Variants in LRRC7 observed in about 807,000 individuals in gnomAD.
LRRC7 encodes leucine rich repeat containing 7.
Under a neutral mutation model 175.7 loss-of-function variants are expected in LRRC7, and 23 were observed. The observed-to-expected ratio is 0.13, with a 90% CI of 0.09 to 0.19. The LOEUF (loss-of-function observed/expected upper bound fraction) is 0.19, where lower values mean the gene tolerates loss of function less well. Among genes scored for constraint, LRRC7 ranks in the 10% least tolerant of loss-of-function variants. LRRC7 has a pLI of 1.00. For synonymous variants in LRRC7, 685 were observed against 680.9 expected, an observed-to-expected ratio of 1.01 and a Z score of -0.09; for missense variants, 1,354 against 1,904.7, an observed-to-expected ratio of 0.71 and a Z score of 5.38.
Position 70,127,820 on chromosome 1 carries a change from T to C in LRRC7, c.*5933T>C, listed in dbSNP as rs187662121. On this transcript the variant is annotated 3_prime_UTR_variant, in exon 27 of 27. Transcript: ENST00000651989. ...ATTTATGTAAACATTCCATGACTCT[T>C]ATTAGTCTACGGTTGGAACCACTAT... Among the ~76,000 whole-genome samples, 28 of 152,320 alleles carry C rather than the reference T, an allele frequency of 1.8e-4. No homozygotes were observed. The highest frequency in any genetic ancestry group is 1.8e-3 in the Admixed American group (28 of 15,300).
At chr1:70,102,812 G>T (rs569681068) in intron 25 of LRRC7, among the ~76,000 whole-genome samples, 1 of 152,144 alleles carries the variant, frequency 6.6e-6, no homozygotes, top group Non-Finnish European at 1.5e-5. Flanking sequence ...ATGAGGAAAA[G>T]TCCATAGAAG....
intron 3 of LRRC7, among the ~76,000 whole-genome samples, chr1:69,773,891 C>T (rs1314146373): frequency 3.3e-5 from 5 of 152,136 alleles, no homozygotes; most frequent in Admixed American, 2.6e-4. Flanking sequence ...TGGTGGATTG[C>T]ACTTGTTATC....
At chr1:69,670,818 A>T (rs1243516092) in intron 1 of LRRC7, among the ~76,000 whole-genome samples, 2 of 152,214 alleles carry the variant, frequency 1.3e-5, no homozygotes, top group East Asian at 3.9e-4. Flanking sequence ...GATTAGTGAT[A>T]GGCTACCATC....
intron 4 of LRRC7, among the ~76,000 whole-genome samples, chr1:69,802,162 A>G (rs1474677205): frequency 6.6e-6 from 1 of 151,026 alleles, no homozygotes. Flanking sequence ...ATTGGAGAAT[A>G]CTCCATGTGC....
intron 2 of LRRC7, among the ~76,000 whole-genome samples, chr1:69,711,359 A>G (rs1056017602): frequency 1.3e-5 from 2 of 152,192 alleles, no homozygotes; most frequent in African/African-American, 4.8e-5. Flanking sequence ...GCACTAAATA[A>G]TCAATGACTG....
At chr1:70,000,813 C>T (rs1655451011) in intron 11 of LRRC7, among the ~76,000 whole-genome samples, 1 of 152,130 alleles carries the variant, frequency 6.6e-6, no homozygotes, top group South Asian at 2.1e-4. Flanking sequence ...ACCTGAAGGG[C>T]CTGGGTTCTG....
chr1:70,033,838 T>C (rs1271685777), intron 18 of LRRC7, among the ~76,000 whole-genome samples: 2 of 93,728 alleles, frequency 2.1e-5, no homozygotes, highest in Non-Finnish European at 4.7e-5. Flanking sequence ...ATTGCTTTTT[T>C]GTGTTTCTAT....
intron 8 of LRRC7, among the ~76,000 whole-genome samples, chr1:69,936,110 T>C (rs1420396372): frequency 6.6e-6 from 1 of 152,188 alleles, no homozygotes; most frequent in Non-Finnish European, 1.5e-5. Context: ...TTTCTGTACA[T>C]TCATGAGTTA....
chr1:69,931,312 T>C (rs1388520854), intron 7 of LRRC7, among the ~76,000 whole-genome samples, 195 bp from the exon 8 acceptor site: 2 of 152,216 alleles, frequency 1.3e-5, no homozygotes, highest in East Asian at 3.9e-4. Flanking sequence ...TTGGCATTTG[T>C]GAACAGATGC....
In LRRC7 at chr1:69,891,851, G is replaced by T. The variant is rs993634071; in HGVS notation, c.648-39656G>T. Among the ~76,000 whole-genome samples the T allele has an allele frequency of 4.6e-5, 7 of 152,060 alleles. No homozygotes were observed. In the South Asian group the frequency reaches 6.2e-4, roughly 14 times the overall value. ...AGTGAGCACATGCTGTTGGAAAAAT[G>T]GTGCCAATAGACTTGCTCAACACAG... is the stretch of plus-strand genomic sequence containing the variant. On this transcript the variant is annotated intron_variant, in intron 7 of 26. Coordinates refer to ENST00000651989, the MANE Select transcript of LRRC7 (RefSeq NM_001370785.2).
intron 7 of LRRC7, among the ~76,000 whole-genome samples, chr1:69,852,550 A>G (rs1222074388): frequency 6.6e-6 from 1 of 152,152 alleles, no homozygotes; most frequent in Non-Finnish European, 1.5e-5. Flanking sequence ...CATTACATCC[A>G]TCACTATCCT....
intron 2 of LRRC7, among the ~76,000 whole-genome samples, chr1:69,714,486 AG>A (rs1423293245): frequency 6.6e-6 from 1 of 152,190 alleles, no homozygotes; most frequent in Non-Finnish European, 1.5e-5. Context: ...GGCAATTTAG[AG>A]GACAGTGAAA....
chr1:69,848,499 C>T (rs1682616097), intron 7 of LRRC7, among the ~76,000 whole-genome samples: 1 of 152,034 alleles, frequency 6.6e-6, no homozygotes, highest in Admixed American at 6.6e-5. Flanking sequence ...GAAAGATTTC[C>T]CTACCACCTA....
intron 23 of LRRC7, among the ~76,000 whole-genome samples, chr1:70,075,466 G>A (rs1662705219): frequency 6.6e-6 from 1 of 152,154 alleles, no homozygotes; most frequent in Non-Finnish European, 1.5e-5. Context: ...CTCTCTGAAA[G>A]CTCATGACTA....
At chr1:69,922,714 A>ACATGG (rs1646928603) in intron 7 of LRRC7, among the ~76,000 whole-genome samples, 1 of 152,128 alleles carries the variant, frequency 6.6e-6, no homozygotes, top group Non-Finnish European at 1.5e-5. Flanking sequence ...TTGTCAAATT[A>ACATGG]AGTGGTCAGT....
intron 1 of LRRC7, among the ~76,000 whole-genome samples, chr1:69,636,429 A>ACG (rs1653373757): frequency 6.6e-6 from 1 of 150,766 alleles, no homozygotes; most frequent in East Asian, 1.9e-4. Context: ...GCACAGACAC[A>ACG]CACACACACA....
At chr1:69,783,229 T>C (rs1673979566) in intron 3 of LRRC7, among the ~76,000 whole-genome samples, 1 of 152,190 alleles carries the variant, frequency 6.6e-6, no homozygotes, top group African/African-American at 2.4e-5. Context: ...GTAAACATGG[T>C]TGAAGTGTTT....
chr1:69,872,715 T>C (rs759790363), intron 7 of LRRC7, among the ~76,000 whole-genome samples: 22 of 152,156 alleles, frequency 1.4e-4, no homozygotes, highest in Non-Finnish European at 2.9e-4. Context: ...AGTTGCTATT[T>C]AAATATTTAA....
chr1:69,969,331 A>C (rs113390927), intron 8 of LRRC7, among the ~76,000 whole-genome samples: 19 of 152,350 alleles, frequency 1.2e-4, no homozygotes, highest in African/African-American at 4.6e-4. Context: ...TAAAAGATAC[A>C]TAATTGTAGA....
Sources: allele counts gnomAD v4.1 joint callset (sites outside exome capture counted in the v4.1 genomes callset), GRCh38; gene constraint gnomAD v4.1.1; transcripts MANE v1.5; gene names NCBI Gene and HGNC (gene_info 2026-07-23, HGNC 2026-07-21).